Variants in ARHGAP12 observed in about 807,000 individuals in gnomAD.
ARHGAP12 encodes the protein Rho GTPase activating protein 12, also known as rho GTPase-activating protein 12.
ARHGAP12 carries 64 observed loss-of-function variants against 108.6 expected under a neutral mutation model. The observed-to-expected ratio is 0.59, with a 90% CI of 0.48 to 0.73. The LOEUF (loss-of-function observed/expected upper bound fraction) is 0.73. ARHGAP12 is among the 30% of genes least tolerant of loss of function. The pLI, the probability that ARHGAP12 is intolerant of heterozygous loss-of-function variation, is 0.00. For missense variants in ARHGAP12, 940 were observed against 1,005.9 expected, an observed-to-expected ratio of 0.93 and a Z score of 0.89; for synonymous variants, 312 against 337.2, an observed-to-expected ratio of 0.93 and a Z score of 0.82.
At chr10:31,881,915 G>GTTTT (rs886188365) in intron 3 of ARHGAP12, among the ~76,000 whole-genome samples, 1 of 136,032 alleles carries the variant, frequency 7.4e-6, no homozygotes, top group African/African-American at 2.7e-5. Flanking sequence ...TTGTTTAGAT[G>GTTTT]TTTTTTTTTT....
Position 31,908,883 on chromosome 10 carries a change from T to C in ARHGAP12, c.-28A>G. 1 of 1,543,024 alleles carries C rather than the reference T, an allele frequency of 6.5e-7. No individual in the cohort carries two copies. Among genetic ancestry groups the C allele is most frequent in the Non-Finnish European group, 8.7e-7 (1 of 1,148,672 alleles). On this transcript the variant is annotated 5_prime_UTR_variant, in exon 3 of 20. Coordinates refer to ENST00000344936, the MANE Select transcript of ARHGAP12 (RefSeq NM_018287.7). ...AATAATATTCACCTCTCAAAAAGGA[T>C]GTTATACCACATTATGGCTTTATGG...
chr10:31,882,826 A>G (rs927014124), intron 3 of ARHGAP12, among the ~76,000 whole-genome samples: 1 of 151,600 alleles, frequency 6.6e-6, no homozygotes, highest in Non-Finnish European at 1.5e-5. Context: ...AAAAGAAAAA[A>G]AAAAAAAAAA....
Position 31,861,244 on chromosome 10 carries a change from T to A in ARHGAP12, c.948+151A>T, listed in dbSNP as rs1022814753. 10 of 955,556 alleles carry A rather than the reference T, an allele frequency of 1.0e-5. No homozygotes were observed. The African/African-American group carries it at 1.5e-4, about 14-fold the overall frequency. The allele number at this position is 955,556 out of a possible 1,614,324, so 59.2% of individuals were successfully genotyped here. ...TAGGAAGTAGCTAGCATTAATATTTTAGTAAAGCTTGGAAAGAATTTTTAA... is the reference window on the plus strand; with the variant it reads ...TAGGAAGTAGCTAGCATTAATATTTAAGTAAAGCTTGGAAAGAATTTTTAA... On this transcript the variant is annotated intron_variant, in intron 4 of 19. Coordinates refer to ENST00000344936, the MANE Select transcript of ARHGAP12 (RefSeq NM_018287.7).
intron 11 of ARHGAP12, among the ~76,000 whole-genome samples, chr10:31,823,589 TAGA>T (rs374113902): frequency 2.6e-4 from 39 of 152,196 alleles, no homozygotes; most frequent in African/African-American, 9.1e-4. Context: ...CTGGAGTGAG[TAGA>T]AGATTTGAAC....
chr10:31,919,002 C>T (rs1159863563), intron 1 of ARHGAP12, among the ~76,000 whole-genome samples: 1 of 152,116 alleles, frequency 6.6e-6, no homozygotes, highest in East Asian at 1.9e-4. Context: ...CATCAATGGA[C>T]GAATAAACAA....
At chr10:31,843,292 T>C (rs1308885109) in intron 7 of ARHGAP12, among the ~76,000 whole-genome samples, 169 bp downstream of exon 7, 1 of 152,132 alleles carries the variant, frequency 6.6e-6, no homozygotes, top group Non-Finnish European at 1.5e-5. Context: ...GAAACAATAA[T>C]GTAGTAACAT....
At chr10:31,900,775 G>A (rs1035321896) in intron 3 of ARHGAP12, among the ~76,000 whole-genome samples, 11 of 152,106 alleles carry the variant, frequency 7.2e-5, no homozygotes, top group African/African-American at 1.7e-4. Flanking sequence ...CCAATATTGC[G>A]CATTTGTTAA....
At chr10:31,882,761 T>C (rs2132372198) in intron 3 of ARHGAP12, among the ~76,000 whole-genome samples, 2 of 146,364 alleles carry the variant, frequency 1.4e-5, no homozygotes, top group South Asian at 4.3e-4. Flanking sequence ...TGCAGTGAGC[T>C]GAGATCACAC....
chr10:31,856,800 A>T (rs1329058009), intron 4 of ARHGAP12, among the ~76,000 whole-genome samples: 2 of 152,192 alleles, frequency 1.3e-5, no homozygotes, highest in Non-Finnish European at 2.9e-5. Flanking sequence ...AAAACAGTAT[A>T]ATCAGACTCT....
At chr10:31,888,314 C>T (rs951164329) in intron 3 of ARHGAP12, among the ~76,000 whole-genome samples, 3 of 152,140 alleles carry the variant, frequency 2.0e-5, no homozygotes, top group African/African-American at 7.2e-5. Context: ...GGGTGGGGTC[C>T]AATCATGCTC....
chr10:31,812,695 T>A lies in ARHGAP12; in HGVS notation c.1951+12A>T. ...AACATTCATTATTATCAACAATACT[T>A]CTCCTACCAACCTTTAATATAACCT... On this transcript the variant is annotated intron_variant, in intron 15 of 19. Transcript: ENST00000344936. 2 of 1,527,176 alleles carry A rather than the reference T, an allele frequency of 1.3e-6. No individual in the cohort carries two copies. The highest frequency in any genetic ancestry group is 1.8e-5 in the Admixed American group (1 of 55,740). 94.6% of individuals were successfully genotyped at this position (1,527,176 alleles called of 1,614,324 possible).
At chr10:31,810,524 T>C (rs1834977267) in intron 16 of ARHGAP12, 125 bp downstream of exon 16, 6 of 624,210 alleles carry the variant, frequency 9.6e-6, no homozygotes, top group Non-Finnish European at 1.6e-5. Context: ...TTTCTTAACA[T>C]CTTAGGACTA....
chr10:31,861,743 A>C, intron 3 of ARHGAP12, 85 bp from the exon 4 acceptor site: 3 of 1,306,148 alleles, frequency 2.3e-6, no homozygotes, highest in South Asian at 1.5e-5. Flanking sequence ...ATTTATAAAC[A>C]ATACTAACTC....
chr10:31,908,235 T>C lies in ARHGAP12; in HGVS notation c.621A>G (p.Glu207=), dbSNP rs1311856710. 6.2e-7 allele frequency: 1 copy of C among 1,613,714 alleles called. No individual in the cohort carries two copies. The highest frequency in any genetic ancestry group is 8.5e-7 in the Non-Finnish European group (1 of 1,179,932). ...QSCDSAGEGS[E]RIHQDSESGD... ...CAGATTCAGAATCTTGATGTATTCTTTCAGAGCCTTCTCCTGCGGAATCAC... is the reference window on the plus strand; with the variant it reads ...CAGATTCAGAATCTTGATGTATTCTCTCAGAGCCTTCTCCTGCGGAATCAC... Residue 207 remains glutamate (E), a synonymous_variant, in exon 3 of 20, where the codon GAA becomes GAG. Transcript: ENST00000344936.
At chr10:31,873,931 G>A (rs1223757556) in intron 3 of ARHGAP12, among the ~76,000 whole-genome samples, 4 of 152,176 alleles carry the variant, frequency 2.6e-5, no homozygotes, top group South Asian at 2.1e-4. Context: ...GGCAACATGC[G>A]ATGACCTGGT....
rs762707653 is a variant in ARHGAP12 at position 31,808,983 on chromosome 10, T to C, written c.2263+11A>G. ...ATATCTAGAAAAAACTGAGTAGAAT[T>C]ACATACTTACTAATTGCATTAACAA... On this transcript the variant is annotated intron_variant, in intron 18 of 19. Transcript: ENST00000344936. 18 of 1,566,060 alleles carry C rather than the reference T, an allele frequency of 1.1e-5. No individual in the cohort carries two copies. The highest frequency in any genetic ancestry group is 4.6e-5 in the South Asian group (4 of 86,292).
At chr10:31,925,592 T>C (rs1840002477) in intron 1 of ARHGAP12, among the ~76,000 whole-genome samples, 1 of 152,208 alleles carries the variant, frequency 6.6e-6, no homozygotes, top group South Asian at 2.1e-4. Flanking sequence ...ATATACATTG[T>C]ATAGCCATAT....
intron 1 of ARHGAP12, among the ~76,000 whole-genome samples, chr10:31,928,424 C>G (rs1840155173): frequency 6.6e-6 from 1 of 151,758 alleles, no homozygotes; most frequent in Non-Finnish European, 1.5e-5. Flanking sequence ...TTTAAACCCT[C>G]TCGCCCACGT....
At chr10:31,892,185 G>A (rs529489867) in intron 3 of ARHGAP12, among the ~76,000 whole-genome samples, 55 of 152,238 alleles carry the variant, frequency 3.6e-4, no homozygotes, top group African/African-American at 1.3e-3. Flanking sequence ...ATCGAGGCTA[G>A]GAAGAAACTG....
Sources: allele counts gnomAD v4.1 joint callset (sites outside exome capture counted in the v4.1 genomes callset), GRCh38; gene constraint gnomAD v4.1.1; transcripts MANE v1.5; gene names NCBI Gene and HGNC (gene_info 2026-07-23, HGNC 2026-07-21).